Variants in CCDC171 observed in about 807,000 individuals in gnomAD.
CCDC171 encodes coiled-coil domain-containing protein 171.
A neutral mutation model predicts 168.2 loss-of-function variants in CCDC171; 177 were observed. The observed-to-expected ratio is 1.05, with a 90% CI of 0.93 to 1.19. CCDC171 has a LOEUF of 1.19. CCDC171 is among the 50% of genes most tolerant of loss of function. The pLI is 0.00. For synonymous variants in CCDC171, 687 were observed against 540.8 expected, an observed-to-expected ratio of 1.27 and a Z score of -3.75; for missense variants, 1,991 against 1,539.0, an observed-to-expected ratio of 1.29 and a Z score of -4.91.
chr9:15,939,493 A>C (rs577549007), intron 25 of CCDC171, among the ~76,000 whole-genome samples: 2 of 152,018 alleles, frequency 1.3e-5, no homozygotes, highest in South Asian at 4.1e-4. Flanking sequence ...CTTAGCAGTG[A>C]TTCAAAAGAG....
At chr9:15,569,698 C>T (rs1747763821) in intron 2 of CCDC171, among the ~76,000 whole-genome samples, 1 of 151,568 alleles carries the variant, frequency 6.6e-6, no homozygotes, top group Non-Finnish European at 1.5e-5. Flanking sequence ...GCCTGTAGTC[C>T]CAGCTGCTCG....
At chr9:15,999,515 G>A (rs928206243) in intron 3 of CCDC171, among the ~76,000 whole-genome samples, 4 of 152,088 alleles carry the variant, frequency 2.6e-5, no homozygotes, top group Admixed American at 6.6e-5. Context: ...CACGCAGCTC[G>A]GACCTCTCTA....
intron 15 of CCDC171, 98 bp downstream of exon 15, chr9:15,728,134 A>C (rs2053932427): frequency 2.1e-6 from 2 of 938,010 alleles, no homozygotes; most frequent in African/African-American, 1.7e-5. Context: ...CTTATTTCAA[A>C]AAGAATTTGG....
Position 15,657,136 on chromosome 9 carries a change from C to CT in CCDC171, c.833dup (p.Arg279LysfsTer10), listed in dbSNP as rs766961977. 15 of 1,602,052 alleles carry CT rather than the reference C, an allele frequency of 9.4e-6. No individual in the cohort carries two copies. The highest frequency in any genetic ancestry group is 5.1e-5 in the Admixed American group (3 of 58,414). On this transcript the variant is annotated frameshift_variant, in exon 8 of 26. Coordinates refer to ENST00000380701, the MANE Select transcript of CCDC171 (RefSeq NM_173550.4). LOFTEE classifies it high-confidence loss of function. ...TTTAATTTGTTTTCAGGCAACTACTCTAAGAGTGAGGAAATTAGAAGAAAA... is the reference window on the plus strand; with the variant it reads ...TTTAATTTGTTTTCAGGCAACTACTCTTAAGAGTGAGGAAATTAGAAGAAAA...
intron 8 of CCDC171, among the ~76,000 whole-genome samples, chr9:15,659,027 C>T (rs116131727): frequency 4.6e-4 from 70 of 152,184 alleles, no homozygotes; most frequent in African/African-American, 1.6e-3. Flanking sequence ...TGAAAGTGGG[C>T]AGATGCAGTT....
At chr9:15,570,424 A>G (rs538119192) in intron 2 of CCDC171, among the ~76,000 whole-genome samples, 110 of 151,162 alleles carry the variant, frequency 7.3e-4, no homozygotes, top group African/African-American at 2.4e-3. Flanking sequence ...ATCTTTCTGC[A>G]TAGTCTTTCA....
At chr9:15,836,839 A>G (rs1036265854) in intron 21 of CCDC171, among the ~76,000 whole-genome samples, 1 of 152,232 alleles carries the variant, frequency 6.6e-6, no homozygotes, top group African/African-American at 2.4e-5. Context: ...CAAATTTCGT[A>G]TCAGTGGAAC....
At chr9:15,633,401 A>C (rs1424587751) in intron 7 of CCDC171, among the ~76,000 whole-genome samples, 1 of 152,236 alleles carries the variant, frequency 6.6e-6, no homozygotes, top group African/African-American at 2.4e-5. Context: ...ACATTTATGC[A>C]GCCAAAAAAA....
rs141812748 is a variant in CCDC171, at chr9:15,657,182, C to G, written c.878C>G (p.Ala293Gly). The G allele has an allele frequency of 1.2e-3, 1,945 of 1,610,864 alleles. 46 individuals are homozygous for G. The Admixed American group carries it at 0.031, about 26-fold the overall frequency. The part of the protein sequence containing the change: ...LEENIEAERA[A>G]HLESKFNSEI... ...GAAAACATTGAAGCAGAAAGAGCAG[C>G]GCATTTGGAATCAAAATTTAATTCT... The change falls in exon 8 of 26, where the codon GCG becomes GGG. Residue 293 changes from alanine to glycine, a missense_variant. Ala to Gly is a moderately conservative substitution (Grantham distance 60). Transcript: ENST00000380701.
chr9:16,089,247 C>G, the CCDC171 span, among the ~76,000 whole-genome samples: 1 of 151,496 alleles, frequency 6.6e-6, no homozygotes. Context: ...GACCTAAAAC[C>G]ATAAAAACTC....
chr9:15,878,445 T>C (rs1414930645), intron 24 of CCDC171, among the ~76,000 whole-genome samples: 1 of 151,582 alleles, frequency 6.6e-6, no homozygotes, highest in Non-Finnish European at 1.5e-5. Flanking sequence ...CTCACACCAG[T>C]CAAAATGGCT....
At chr9:16,033,550 A>C (rs1029136415) in intron 6 of CCDC171, among the ~76,000 whole-genome samples, 1 of 152,288 alleles carries the variant, frequency 6.6e-6, no homozygotes, top group Middle Eastern at 3.4e-3. Flanking sequence ...TTGCAGGAAA[A>C]CAAGCTCAGG....
At chr9:15,673,426 G>T (rs970269080) in intron 9 of CCDC171, among the ~76,000 whole-genome samples, 1 of 152,098 alleles carries the variant, frequency 6.6e-6, no homozygotes, top group African/African-American at 2.4e-5. Context: ...GTCTTGTGCT[G>T]GTTTTCAAAG....
the CCDC171 span, among the ~76,000 whole-genome samples, chr9:16,108,317 T>C: frequency 1.3e-5 from 2 of 152,360 alleles, no homozygotes; most frequent in South Asian, 4.1e-4. Context: ...CACTTTGTCT[T>C]CTTGCTTTTA....
intron 23 of CCDC171, among the ~76,000 whole-genome samples, chr9:15,870,087 A>C (rs542350024): frequency 6.7e-6 from 1 of 150,120 alleles, no homozygotes; most frequent in East Asian, 2.0e-4. Context: ...ACAATAGGTA[A>C]ATGAATGGGT....
chr9:15,708,559 T>C (rs2052420847), intron 11 of CCDC171, among the ~76,000 whole-genome samples: 1 of 152,162 alleles, frequency 6.6e-6, no homozygotes, highest in African/African-American at 2.4e-5. Flanking sequence ...CCATCTTTCT[T>C]TCAACTCCCA....
At chr9:15,983,846 G>GTGTGTGTT (rs1564100889) in intron 3 of CCDC171, among the ~76,000 whole-genome samples, 7 of 151,540 alleles carry the variant, frequency 4.6e-5, no homozygotes, top group African/African-American at 1.7e-4. Flanking sequence ...GTGTGTGTGT[G>GTGTGTGTT]TGTGTGTGTG....
At chr9:15,998,380 C>T (rs1165525350) in intron 3 of CCDC171, among the ~76,000 whole-genome samples, 1 of 152,168 alleles carries the variant, frequency 6.6e-6, no homozygotes, top group Non-Finnish European at 1.5e-5. Flanking sequence ...GATCCCACCT[C>T]TCCTTCACTG....
intron 24 of CCDC171, among the ~76,000 whole-genome samples, chr9:15,909,796 A>G (rs117395772): frequency 7.7e-4 from 117 of 152,314 alleles, no homozygotes; most frequent in Non-Finnish European, 1.1e-3. Context: ...CCTGGTGCCA[A>G]TGAAGACACA....
Sources: allele counts gnomAD v4.1 joint callset (sites outside exome capture counted in the v4.1 genomes callset), GRCh38; gene constraint gnomAD v4.1.1; transcripts MANE v1.5; gene names NCBI Gene and HGNC (gene_info 2026-07-23, HGNC 2026-07-21).